IQGAP2: variants seen among roughly 807,000 people sequenced by gnomAD.
IQGAP2 encodes the protein ras GTPase-activating-like protein IQGAP2.
A neutral mutation model predicts 201.3 loss-of-function variants in IQGAP2; 173 were observed. That is an observed-to-expected ratio of 0.86 (90% CI 0.76 to 0.98). The LOEUF (loss-of-function observed/expected upper bound fraction) is 0.98. Ranked by LOEUF, IQGAP2 falls within the 50% of genes least tolerant of loss-of-function variation. The pLI is 0.00. For missense variants in IQGAP2, 1,687 were observed against 1,864.8 expected, an observed-to-expected ratio of 0.90 and a Z score of 1.76; for synonymous variants, 675 against 673.9, an observed-to-expected ratio of 1.00 and a Z score of -0.03.
intron 13 of IQGAP2, chr5:76,617,817 A>G: frequency 6.2e-7 from 1 of 1,613,992 alleles, no homozygotes; most frequent in South Asian, 1.1e-5. Flanking sequence ...AACATACCAC[A>G]ACCATCTATG....
At chr5:76,529,466 A>G (rs1159145213) in intron 2 of IQGAP2, among the ~76,000 whole-genome samples, 4 of 151,946 alleles carry the variant, frequency 2.6e-5, no homozygotes, top group African/African-American at 9.7e-5. Context: ...CATCTCTACT[A>G]AAAATACAAA....
chr5:76,430,256 G>C (rs376859187), intron 1 of IQGAP2, among the ~76,000 whole-genome samples: 4 of 152,056 alleles, frequency 2.6e-5, no homozygotes, highest in South Asian at 4.1e-4. Context: ...AGTGGGAATG[G>C]CTGTCTCTGC....
chr5:76,573,343 A>C (rs1745246003), intron 4 of IQGAP2, among the ~76,000 whole-genome samples: 1 of 152,184 alleles, frequency 6.6e-6, no homozygotes, highest in Non-Finnish European at 1.5e-5. Flanking sequence ...TACTGAGTTG[A>C]CTTTGATGTA....
intron 12 of IQGAP2, among the ~76,000 whole-genome samples, chr5:76,608,549 T>C (rs1054115319): frequency 6.6e-6 from 1 of 152,214 alleles, no homozygotes; most frequent in African/African-American, 2.4e-5. Flanking sequence ...CATGGACGTT[T>C]TGAAGGTGCA....
At chr5:76,614,412 C>G (rs1748710346) in intron 13 of IQGAP2, among the ~76,000 whole-genome samples, 1 of 152,116 alleles carries the variant, frequency 6.6e-6, no homozygotes, top group Admixed American at 6.5e-5. Context: ...CAATTACTAA[C>G]AGATTTAAAC....
intron 2 of IQGAP2, among the ~76,000 whole-genome samples, chr5:76,514,319 T>G (rs998539819): frequency 6.6e-6 from 1 of 152,186 alleles, no homozygotes; most frequent in East Asian, 1.9e-4. Context: ...TCCCTTCATT[T>G]TTAAAATTAC....
chr5:76,551,885 G>A (rs1340898581), intron 2 of IQGAP2, among the ~76,000 whole-genome samples: 4 of 142,406 alleles, frequency 2.8e-5, no homozygotes, highest in Non-Finnish European at 6.2e-5. Flanking sequence ...GGGGGAGGGG[G>A]AGGGGAGGGG....
chr5:76,537,525 C>T (rs1759695394), intron 2 of IQGAP2, among the ~76,000 whole-genome samples: 3 of 150,210 alleles, frequency 2.0e-5, no homozygotes, highest in Admixed American at 2.0e-4. Context: ...TGTCTTTCTG[C>T]TAAAGGTCAG....
At chr5:76,411,472 C>T (rs1357110127) in intron 1 of IQGAP2, among the ~76,000 whole-genome samples, 1 of 152,130 alleles carries the variant, frequency 6.6e-6, no homozygotes, top group East Asian at 1.9e-4. Context: ...TGTGTTGGAA[C>T]GTAGTCCCCC....
intron 2 of IQGAP2, among the ~76,000 whole-genome samples, chr5:76,516,298 T>TA (rs1758318479): frequency 1.3e-5 from 2 of 152,238 alleles, no homozygotes; most frequent in Non-Finnish European, 2.9e-5. Context: ...GAACCATTCT[T>TA]AAAATATTAG....
intron 15 of IQGAP2, among the ~76,000 whole-genome samples, chr5:76,634,576 A>G (rs949325321): frequency 9.2e-5 from 14 of 152,102 alleles, no homozygotes; most frequent in African/African-American, 2.7e-4. Context: ...CTCTGACTCT[A>G]CGGAAAACGT....
In IQGAP2 at chr5:76,403,373, G is replaced by C; in HGVS notation, c.-173G>C. On this transcript the variant is annotated 5_prime_UTR_variant, in exon 1 of 36. Transcript: ENST00000274364. The surrounding 1 kb of genome is among the most constrained non-coding windows in gnomAD (Gnocchi z 4.8). ...TCAGTGTCAGCGCGCGGCGGCCGTG[G>C]CTGGCTCTGGCGAGAGAGCACCGAG... 1 of 432,394 alleles carries C rather than the reference G, an allele frequency of 2.3e-6. No homozygotes were observed. The highest frequency in any genetic ancestry group is 3.9e-6 in the Non-Finnish European group (1 of 255,332). 26.8% of individuals were successfully genotyped at this position (432,394 alleles called of 1,614,324 possible). A position where few individuals can be genotyped will look rare whatever the true frequency, so the allele number is the denominator to read the frequency against.
intron 16 of IQGAP2, among the ~76,000 whole-genome samples, chr5:76,640,493 T>G (rs1187677181): frequency 6.6e-6 from 1 of 152,206 alleles, no homozygotes; most frequent in Admixed American, 6.5e-5. Context: ...TACAGGGGTC[T>G]GCCTACTCTG....
chr5:76,511,970 G>A (rs572282033), intron 2 of IQGAP2, among the ~76,000 whole-genome samples: 2 of 152,124 alleles, frequency 1.3e-5, no homozygotes, highest in Admixed American at 1.3e-4. Flanking sequence ...GTGAGCCACC[G>A]CGCCAGGCCT....
intron 2 of IQGAP2, among the ~76,000 whole-genome samples, chr5:76,512,376 G>A (rs767943609): frequency 5.3e-5 from 8 of 152,294 alleles, no homozygotes; most frequent in Non-Finnish European, 8.8e-5. Flanking sequence ...GGAGCTTCAC[G>A]AGTTCATGAT....
At chr5:76,608,409 C>T (rs1436034954) in intron 12 of IQGAP2, among the ~76,000 whole-genome samples, 5 of 151,898 alleles carry the variant, frequency 3.3e-5, no homozygotes, top group African/African-American at 1.2e-4. Context: ...AGAATGAGTT[C>T]CTGAAGTATT....
At chr5:76,458,860 G>T (rs1489369293) in intron 1 of IQGAP2, among the ~76,000 whole-genome samples, 1 of 152,064 alleles carries the variant, frequency 6.6e-6, no homozygotes. Context: ...AGCCTTTCCC[G>T]ATAAGATATT....
chr5:76,503,991 T>C (rs188973090), intron 2 of IQGAP2, among the ~76,000 whole-genome samples: 141 of 152,382 alleles, frequency 9.3e-4, no homozygotes, highest in Admixed American at 4.8e-3. Context: ...CCTAGAATCT[T>C]GTGTCTCACA....
chr5:76,472,037 T>G (rs1755141381), intron 2 of IQGAP2, among the ~76,000 whole-genome samples: 1 of 152,228 alleles, frequency 6.6e-6, no homozygotes, highest in Admixed American at 6.5e-5. Context: ...GATGAACTGC[T>G]TGGTTGTTCC....
Sources: gnomAD v4.1 joint callset for allele counts (sites outside exome capture counted in the v4.1 genomes callset) on GRCh38, gnomAD v4.1.1 for gene constraint, Gnocchi (gnomAD v3.1) non-coding constraint, MANE v1.5 for transcripts, NCBI Gene and HGNC (gene_info 2026-07-23, HGNC 2026-07-21) for gene names.